Variants in CASP5 observed in about 807,000 individuals in gnomAD.
The protein encoded by CASP5 is caspase 5.
In CASP5, 42 loss-of-function variants were observed where a neutral mutation model predicts 45.2. That is an observed-to-expected ratio of 0.93 (90% confidence interval 0.73 to 1.20). The LOEUF (loss-of-function observed/expected upper bound fraction) is 1.20. CASP5 is among the 50% of genes most tolerant of loss of function. The pLI, the probability that CASP5 is intolerant of heterozygous loss-of-function variation, is 0.00. For synonymous variants in CASP5, 209 were observed against 186.2 expected (o/e 1.12, Z -1.00); for missense variants, 512 against 532.2 (o/e 0.96, Z 0.37).
chr11:105,021,378 C>T (rs530677062), intron 1 of CASP5, among the ~76,000 whole-genome samples: 1 of 146,414 alleles, frequency 6.8e-6, no homozygotes, highest in Admixed American at 7.2e-5. Context: ...AGGCAACCTA[C>T]AAAATGGGAG....
chr11:105,004,144 A>G (rs1229373858), intron 3 of CASP5, among the ~76,000 whole-genome samples: 6 of 152,180 alleles, frequency 3.9e-5, no homozygotes, highest in African/African-American at 1.4e-4. Flanking sequence ...AAATTGTGAA[A>G]TCACCTATTT....
Position 104,998,181 on chromosome 11 carries a change from G to A in CASP5, c.1097-689C>T, listed in dbSNP as rs45541736. On this transcript the variant is annotated intron_variant, in intron 7 of 9. Transcript: ENST00000260315. ...AGCATAGATTTGGGTGATGATTTTA[G>A]GGGTGTGTACTAATCTCCAAACTTA... Among the ~76,000 whole-genome samples the A allele has an allele frequency of 2.0e-3, 311 of 152,244 alleles. 1 individual carries two copies. Among genetic ancestry groups the A allele is most frequent in the Admixed American group, 5.3e-3 (81 of 15,278 alleles).
At chr11:105,009,620 AAATATT>A (rs1347408629) in intron 1 of CASP5, among the ~76,000 whole-genome samples, 6 of 149,372 alleles carry the variant, frequency 4.0e-5, no homozygotes, top group African/African-American at 1.5e-4. Context: ...TTAGAATTGA[AAATATT>A]TAACAAATAT....
intron 1 of CASP5, among the ~76,000 whole-genome samples, chr11:105,010,508 TATC>T (rs1184691248): frequency 2.3e-4 from 31 of 135,082 alleles, no homozygotes; most frequent in East Asian, 3.9e-4. Context: ...AATCAGTAAT[TATC>T]ATTATTATTA....
At chr11:105,020,917 A>G (rs7111362) in intron 1 of CASP5, among the ~76,000 whole-genome samples, 3,969 of 151,958 alleles carry the variant, frequency 0.026, 166 homozygotes, top group African/African-American at 0.087. Context: ...TATACTACAA[A>G]GCTACAGTAA....
intron 2 of CASP5, among the ~76,000 whole-genome samples, 197 bp from the exon 3 acceptor site, chr11:105,007,531 CA>C (rs1436476924): frequency 6.6e-6 from 1 of 152,078 alleles, no homozygotes; most frequent in Non-Finnish European, 1.5e-5. Flanking sequence ...CTGTGCTTAG[CA>C]ATTCATTTCC....
At chr11:105,007,918 C>T (rs1862089579) in intron 2 of CASP5, among the ~76,000 whole-genome samples, 1 of 152,008 alleles carries the variant, frequency 6.6e-6, no homozygotes, top group South Asian at 2.1e-4. Context: ...GATGACTGCA[C>T]CCAGAGTCCT....
At chr11:104,997,685 G>A (rs994098873) in intron 7 of CASP5, among the ~76,000 whole-genome samples, 193 bp from the exon 8 acceptor site, 1 of 152,200 alleles carries the variant, frequency 6.6e-6, no homozygotes, top group African/African-American at 2.4e-5. Context: ...CAGCTTGTAA[G>A]TATTGCAAGA....
rs1337649020 is a variant in CASP5, at chr11:105,001,093, C to T, written c.718-598G>A. ...CCGTCCAACTCCTGTGTTCTCTCCC[C>T]ACAGAGGCTTTTCTGGACCAACCCA... On this transcript the variant is annotated intron_variant, in intron 5 of 9. Coordinates refer to ENST00000260315, the MANE Select transcript of CASP5 (RefSeq NM_004347.5). Among the ~76,000 whole-genome samples the T allele has an allele frequency of 2.0e-5, 3 of 152,212 alleles. No homozygotes were observed. In the East Asian group the frequency reaches 5.8e-4, roughly 29 times the overall value.
intron 6 of CASP5, 104 bp from the exon 7 acceptor site, chr11:104,999,132 G>T: frequency 2.0e-6 from 2 of 984,194 alleles, no homozygotes; most frequent in Non-Finnish European, 3.0e-6. Flanking sequence ...TACCATTGTG[G>T]TTTGCTGCAC....
Position 104,997,480 on chromosome 11 carries a change from C to T in CASP5, c.1109G>A (p.Trp370Ter), listed in dbSNP as rs1565379206. The T allele has an allele frequency of 6.2e-7, 1 of 1,608,626 alleles. No homozygotes were observed. Among genetic ancestry groups the T allele is most frequent in the Non-Finnish European group, 8.5e-7 (1 of 1,175,536 alleles). The stretch of plus-strand genomic sequence containing the variant: ...GATGGAGCCCCTTGTGCGGTCTCTC[C>T]AGGACACGTTATCTATGATGATACA... ...FCSSTPHNVS[W>*]RDRTRGSIFI... The change falls in exon 8 of 10, where the codon TGG (tryptophan) becomes TAG (stop). Residue 370 changes from tryptophan to a stop codon, truncating the protein, a stop_gained. Coordinates refer to ENST00000260315, the MANE Select transcript of CASP5 (RefSeq NM_004347.5). LOFTEE classifies it high-confidence loss of function.
chr11:105,009,761 ACACAC>A, intron 1 of CASP5, among the ~76,000 whole-genome samples: 1 of 76,858 alleles, frequency 1.3e-5, no homozygotes, highest in African/African-American at 4.9e-5. Flanking sequence ...ATATATATAC[ACACAC>A]ACACGTATAT....
intron 2 of CASP5, 34 bp from the exon 3 acceptor site, chr11:105,007,368 G>A: frequency 6.4e-7 from 1 of 1,570,750 alleles, no homozygotes; most frequent in Non-Finnish European, 8.6e-7. Flanking sequence ...TTAACTATGG[G>A]CACAGCTTAA....
chr11:105,003,240 T>C, intron 4 of CASP5, 34 bp downstream of exon 4: 1 of 1,265,856 alleles, frequency 7.9e-7, no homozygotes, highest in Non-Finnish European at 1.1e-6. Flanking sequence ...ATTGTTTCTC[T>C]CTTCTTCCCC....
chr11:105,015,330 C>A (rs943252719), intron 1 of CASP5, among the ~76,000 whole-genome samples: 1 of 152,030 alleles, frequency 6.6e-6, no homozygotes, highest in African/African-American at 2.4e-5. Context: ...CAAGAGATAC[C>A]GATCACACAG....
At chr11:104,998,067 T>G (rs1478436317) in intron 7 of CASP5, among the ~76,000 whole-genome samples, 1 of 152,164 alleles carries the variant, frequency 6.6e-6, no homozygotes, top group Non-Finnish European at 1.5e-5. Flanking sequence ...AGAGTAGATC[T>G]TATGTAAATT....
intron 1 of CASP5, among the ~76,000 whole-genome samples, chr11:105,018,642 C>A (rs1418863949): frequency 6.3e-5 from 9 of 142,628 alleles, no homozygotes; most frequent in African/African-American, 2.1e-4. Flanking sequence ...CAGGAGCACC[C>A]AGATTCATAA....
chr11:105,017,653 A>C (rs548506864), intron 1 of CASP5, among the ~76,000 whole-genome samples: 4 of 152,214 alleles, frequency 2.6e-5, no homozygotes, highest in African/African-American at 7.2e-5. Flanking sequence ...ATATGGGACT[A>C]TGTGAAAAGA....
chr11:105,005,352 ATATATGTGTGTGTGTGTGTG>A (rs1861951220), intron 3 of CASP5, among the ~76,000 whole-genome samples: 2 of 131,918 alleles, frequency 1.5e-5, no homozygotes, highest in African/African-American at 5.6e-5. Flanking sequence ...GTGTGTATAT[ATATATGTGTGTGTGTGTGTG>A]TGTGTGTGTG....
Sources: allele counts gnomAD v4.1 joint callset (sites outside exome capture counted in the v4.1 genomes callset), GRCh38; gene constraint gnomAD v4.1.1; transcripts MANE v1.5; gene names NCBI Gene and HGNC (gene_info 2026-07-23, HGNC 2026-07-21).